Variants in SCP2 observed in about 807,000 individuals in gnomAD.
SCP2 encodes the protein SCP-2/3-oxoacyl-CoA thiolase.
Under a neutral mutation model 71.4 loss-of-function variants are expected in SCP2, and 48 were observed. That is an observed-to-expected ratio of 0.67 (90% CI 0.53 to 0.86). SCP2 has a LOEUF of 0.86. Among genes scored for constraint, SCP2 ranks in the 40% least tolerant of loss-of-function variants. The pLI, the probability that SCP2 is intolerant of heterozygous loss-of-function variation, is 0.00. For missense variants in SCP2, 560 were observed against 655.6 expected, an observed-to-expected ratio of 0.85 and a Z score of 1.59; for synonymous variants, 220 against 218.1, an observed-to-expected ratio of 1.01 and a Z score of -0.08.
chr1:53,032,751 T>C (rs1187695023), intron 13 of SCP2, among the ~76,000 whole-genome samples: 1 of 152,176 alleles, frequency 6.6e-6, no homozygotes, highest in Non-Finnish European at 1.5e-5. Flanking sequence ...TATGTTAGTG[T>C]TAGATGGACT....
intron 14 of SCP2, 73 bp from the exon 15 acceptor site, chr1:53,047,785 G>A: frequency 9.8e-7 from 1 of 1,023,542 alleles, no homozygotes; most frequent in Non-Finnish European, 1.6e-6. Context: ...GCAGTCAGTG[G>A]CTCTTGACAA....
intron 15 of SCP2, 84 bp from the exon 16 acceptor site, chr1:53,050,525 G>A: frequency 1.2e-6 from 1 of 852,716 alleles, no homozygotes; most frequent in South Asian, 1.4e-5. Flanking sequence ...ATAAATAAAT[G>A]ATCTCAGGGC....
intron 14 of SCP2, among the ~76,000 whole-genome samples, chr1:53,045,795 C>A (rs1663766541): frequency 6.6e-6 from 1 of 152,128 alleles, no homozygotes; most frequent in Admixed American, 6.5e-5. Context: ...GTAACTATCA[C>A]CAGAAATCAA....
intron 11 of SCP2, among the ~76,000 whole-genome samples, chr1:52,989,866 C>T (rs887959170): frequency 1.3e-5 from 2 of 152,078 alleles, no homozygotes; most frequent in African/African-American, 4.8e-5. Flanking sequence ...AGCCTAATGG[C>T]GTATATAAGG....
chr1:53,025,346 A>C (rs1662047773), intron 12 of SCP2, among the ~76,000 whole-genome samples: 1 of 152,150 alleles, frequency 6.6e-6, no homozygotes, highest in Non-Finnish European at 1.5e-5. Flanking sequence ...ATTCTGTTAC[A>C]GTCCCTGCCC....
At position 53,032,823 on chromosome 1, in the gene SCP2, G is replaced by C. The variant is rs568974235; in HGVS notation, c.1338+4752G>C. ...TTTATAAGCCTCAATTGCTTTTTCTGCTTAATGAGCTAATACTAATGTCTG... is the reference window on the plus strand; with the variant it reads ...TTTATAAGCCTCAATTGCTTTTTCTCCTTAATGAGCTAATACTAATGTCTG... On this transcript the variant is annotated intron_variant, in intron 13 of 15. Coordinates refer to ENST00000371514, the MANE Select transcript of SCP2 (RefSeq NM_002979.5). 2.3e-3 allele frequency among the ~76,000 whole-genome samples: 343 copies of C among 152,244 alleles called. 3 individuals carry two copies. The Middle Eastern group carries it at 0.054, about 24-fold the overall frequency.
chr1:52,988,655 C>A (rs1659201399), intron 11 of SCP2, among the ~76,000 whole-genome samples: 1 of 151,188 alleles, frequency 6.6e-6, no homozygotes, highest in Non-Finnish European at 1.5e-5. Context: ...GCCCAAACCT[C>A]ACCATGCAAT....
chr1:52,961,112 T>A (rs889192572), intron 5 of SCP2, among the ~76,000 whole-genome samples: 1 of 146,210 alleles, frequency 6.8e-6, no homozygotes, highest in Admixed American at 7.0e-5. Context: ...AGTTCTAGGG[T>A]ACATGTGCAC....
At chr1:52,941,538 C>A (rs906891845) in intron 1 of SCP2, among the ~76,000 whole-genome samples, 17 of 151,856 alleles carry the variant, frequency 1.1e-4, no homozygotes, top group Non-Finnish European at 4.4e-5. Flanking sequence ...AGTTTGAGAC[C>A]AGCCTGGCCA....
chr1:52,975,728 T>TA (rs1358345147), intron 7 of SCP2, among the ~76,000 whole-genome samples: 1 of 152,230 alleles, frequency 6.6e-6, no homozygotes, highest in Non-Finnish European at 1.5e-5. Context: ...TAGTATTCTT[T>TA]AATTTGCCAG....
intron 11 of SCP2, among the ~76,000 whole-genome samples, chr1:53,014,652 T>G (rs1661209151): frequency 6.6e-6 from 1 of 152,076 alleles, no homozygotes; most frequent in African/African-American, 2.4e-5. Context: ...AATTGTAGAT[T>G]CGGTGTTTTC....
chr1:52,981,290 G>A (rs1305683728), intron 10 of SCP2, among the ~76,000 whole-genome samples: 6 of 152,082 alleles, frequency 3.9e-5, no homozygotes, highest in African/African-American at 1.4e-4. Flanking sequence ...CTGGAGTGTC[G>A]AAACCTGTGC....
At chr1:52,967,190 T>TA (rs961869022) in intron 6 of SCP2, among the ~76,000 whole-genome samples, 2 of 150,870 alleles carry the variant, frequency 1.3e-5, no homozygotes, top group African/African-American at 2.4e-5. Context: ...ACTCCTCAAT[T>TA]AAAAAAAAAG....
At chr1:52,958,548 T>C (rs1656035880) in intron 5 of SCP2, among the ~76,000 whole-genome samples, 1 of 152,018 alleles carries the variant, frequency 6.6e-6, no homozygotes, top group South Asian at 2.1e-4. Flanking sequence ...TTCACAAGCT[T>C]TTTAGCTATC....
chr1:52,954,824 AG>A lies in SCP2; in HGVS notation c.396+21del. On this transcript the variant is annotated intron_variant, in intron 5 of 15. Coordinates refer to ENST00000371514, the MANE Select transcript of SCP2 (RefSeq NM_002979.5). ...ATAAAAGTGAGTGTTATTTTGGCATAGTTACTAAATGAGCTAATATAACCCA... is the reference window on the plus strand; with the variant it reads ...ATAAAAGTGAGTGTTATTTTGGCATATTACTAAATGAGCTAATATAACCCA... The A allele has an allele frequency of 6.3e-7, 1 of 1,596,986 alleles. No homozygotes were observed. The highest frequency in any genetic ancestry group is 8.6e-7 in the Non-Finnish European group (1 of 1,164,390).
intron 12 of SCP2, 78 bp from the exon 13 acceptor site, chr1:53,027,891 G>T (rs1018773849): frequency 3.2e-5 from 26 of 806,614 alleles, no homozygotes; most frequent in Admixed American, 2.1e-5. Flanking sequence ...TGAAAATTTT[G>T]AAAATTACTA....
intron 12 of SCP2, among the ~76,000 whole-genome samples, chr1:53,021,207 C>T (rs551662858): frequency 6.6e-6 from 1 of 152,030 alleles, no homozygotes; most frequent in Non-Finnish European, 1.5e-5. Context: ...TAGGGTTTCA[C>T]CATGTCGCCC....
At position 52,927,389 on chromosome 1, in the gene SCP2, G is replaced by A. The variant is rs1233771595; in HGVS notation, c.-8G>A. ...CGGCGCCCGCCCCGGTCCCGCACTG[G>A]TGCAGCCATGTCCTCTTCCCCGTGG... is the stretch of plus-strand genomic sequence containing the variant. On this transcript the variant is annotated 5_prime_UTR_variant, in exon 1 of 16. The change creates a new upstream start codon in the 5' untranslated region. Coordinates refer to ENST00000371514, the MANE Select transcript of SCP2 (RefSeq NM_002979.5). 6.3e-7 allele frequency: 1 copy of A among 1,584,356 alleles called. No individual in the cohort carries two copies. The highest frequency in any genetic ancestry group is 2.3e-5 in the East Asian group (1 of 43,730).
At chr1:52,996,076 T>TC in intron 11 of SCP2, 2 of 902,116 alleles carry the variant, frequency 2.2e-6, no homozygotes, top group Non-Finnish European at 3.0e-6. Context: ...GCCATCTTAC[T>TC]CACCTGCCCC....
Sources: allele counts gnomAD v4.1 joint callset (sites outside exome capture counted in the v4.1 genomes callset), GRCh38; gene constraint gnomAD v4.1.1; transcripts MANE v1.5; gene names NCBI Gene and HGNC (gene_info 2026-07-23, HGNC 2026-07-21).